The following PLXDC2 variants were observed in gnomAD, a reference collection of about 807,000 sequenced individuals.
PLXDC2 encodes the protein plexin domain-containing protein 2.
Under a neutral mutation model 68.9 loss-of-function variants are expected in PLXDC2, and 40 were observed. That is an observed-to-expected ratio of 0.58 (90% confidence interval 0.45 to 0.76). The LOEUF (loss-of-function observed/expected upper bound fraction) is 0.76, where lower values mean the gene tolerates loss of function less well. Ranked by LOEUF, PLXDC2 falls within the 30% of genes least tolerant of loss-of-function variation. The pLI, the probability that PLXDC2 is intolerant of heterozygous loss-of-function variation, is 0.00. For missense variants in PLXDC2, 644 were observed against 661.9 expected (o/e 0.97, Z 0.30); for synonymous variants, 243 against 234.2 (o/e 1.04, Z -0.34).
At chr10:20,161,790 G>A (rs2131811619) in intron 6 of PLXDC2, among the ~76,000 whole-genome samples, 1 of 152,148 alleles carries the variant, frequency 6.6e-6, no homozygotes, top group South Asian at 2.1e-4. Flanking sequence ...CCAGCAATTT[G>A]GGAGGCCGAG....
At chr10:19,957,125 CTG>C (rs1834083010) in intron 1 of PLXDC2, among the ~76,000 whole-genome samples, 1 of 152,050 alleles carries the variant, frequency 6.6e-6, no homozygotes, top group Non-Finnish European at 1.5e-5. Flanking sequence ...TATTTGAAAA[CTG>C]GGGCTTTTAG....
rs114845020 is a variant in PLXDC2, at chr10:20,130,180, T to C, written c.542-13115T>C. ...GATATCATTCCTTTTATTTGTGATT[T>C]CTTTAATTTTCTTTCACCAATGCTT... On this transcript the variant is annotated intron_variant, in intron 4 of 13. Coordinates refer to ENST00000377252, the MANE Select transcript of PLXDC2 (RefSeq NM_032812.9). Among the ~76,000 whole-genome samples the C allele has an allele frequency of 8.4e-3, 1,283 of 152,204 alleles. 25 individuals are homozygous for C. Among genetic ancestry groups the C allele is most frequent in the African/African-American group, 0.03 (1,238 of 41,548 alleles).
intron 7 of PLXDC2, among the ~76,000 whole-genome samples, chr10:20,169,343 G>T (rs969989578): frequency 6.6e-6 from 1 of 152,096 alleles, no homozygotes. Context: ...TGCAAATTTG[G>T]TAAGCACGAA....
intron 1 of PLXDC2, among the ~76,000 whole-genome samples, chr10:19,906,335 G>T (rs912154520): frequency 6.6e-6 from 1 of 152,170 alleles, no homozygotes; most frequent in Non-Finnish European, 1.5e-5. Flanking sequence ...CAGTACGCAG[G>T]GCCACGTGGG....
intron 12 of PLXDC2, among the ~76,000 whole-genome samples, chr10:20,238,811 C>T (rs1235467372): frequency 6.7e-6 from 1 of 149,496 alleles, no homozygotes; most frequent in African/African-American, 2.5e-5. Context: ...TAGCAGATTG[C>T]TTTGATAGAA....
chr10:20,201,115 T>C (rs1589677984), intron 9 of PLXDC2, among the ~76,000 whole-genome samples: 1 of 152,156 alleles, frequency 6.6e-6, no homozygotes, highest in East Asian at 1.9e-4. Flanking sequence ...AGCCAAGATA[T>C]GGAATTAACC....
intron 2 of PLXDC2, among the ~76,000 whole-genome samples, chr10:20,041,442 G>T (rs113983230): frequency 0.018 from 2,698 of 152,006 alleles, 77 homozygotes; most frequent in African/African-American, 0.061. Flanking sequence ...TCTTTCTAGA[G>T]GCCTATAAGA....
At chr10:19,938,607 A>G (rs11011691) in intron 1 of PLXDC2, among the ~76,000 whole-genome samples, 25,048 of 151,960 alleles carry the variant, frequency 0.16, 2,905 homozygotes, top group African/African-American at 0.32. Context: ...CTGTGATCCA[A>G]TCACCTCCCA....
intron 1 of PLXDC2, among the ~76,000 whole-genome samples, chr10:19,864,854 C>A (rs1315285160): frequency 6.6e-6 from 1 of 152,114 alleles, no homozygotes; most frequent in Non-Finnish European, 1.5e-5. Context: ...TGAGAGACAC[C>A]TACTGTAAGT....
intron 2 of PLXDC2, among the ~76,000 whole-genome samples, chr10:20,044,979 G>A (rs946823625): frequency 8.5e-5 from 13 of 152,218 alleles, no homozygotes; most frequent in South Asian, 8.3e-4. Flanking sequence ...CAAACTATCC[G>A]TGTCATTATG....
chr10:20,182,810 T>C (rs1834625205), intron 9 of PLXDC2, among the ~76,000 whole-genome samples: 1 of 151,986 alleles, frequency 6.6e-6, no homozygotes, highest in African/African-American at 2.4e-5. Context: ...AAGCCCTGCA[T>C]GCATTACATA....
intron 7 of PLXDC2, among the ~76,000 whole-genome samples, chr10:20,165,952 G>T (rs1338373123): frequency 6.6e-6 from 1 of 152,076 alleles, no homozygotes; most frequent in African/African-American, 2.4e-5. Flanking sequence ...AAGTTGGGGT[G>T]GGGGGTGTTT....
intron 1 of PLXDC2, among the ~76,000 whole-genome samples, chr10:19,863,945 C>A (rs1837366884): frequency 6.6e-6 from 1 of 152,090 alleles, no homozygotes; most frequent in Non-Finnish European, 1.5e-5. Flanking sequence ...ATACAACATA[C>A]TGTTTTCTTA....
intron 4 of PLXDC2, among the ~76,000 whole-genome samples, chr10:20,116,324 A>G (rs1426300428): frequency 6.6e-6 from 1 of 152,196 alleles, no homozygotes; most frequent in Non-Finnish European, 1.5e-5. Context: ...TCTTGGTTGC[A>G]CCAGTTAAAC....
intron 4 of PLXDC2, among the ~76,000 whole-genome samples, chr10:20,116,579 G>A (rs1409133491): frequency 6.6e-6 from 1 of 152,144 alleles, no homozygotes; most frequent in Non-Finnish European, 1.5e-5. Flanking sequence ...GTTGTTAAGG[G>A]AATGGAAAAA....
In PLXDC2 at chr10:20,068,231, C is replaced by T; in HGVS notation, c.533C>T (p.Ala178Val). Reference protein sequence around the residue: ...YGHFLREITVATGGFIYTGEV... With the variant: ...YGHFLREITVVTGGFIYTGEV... ...CACTTCCTACGTGAAATCACTGTGG[C>T]AACCGGGGGTAAGTGGTTTTCTACC... The change falls in exon 4 of 14, where the codon GCA becomes GTA. Residue 178 changes from alanine to valine, a missense_variant. Ala to Val is a moderately conservative substitution (Grantham distance 64, BLOSUM62 0). Around this residue, in one of 3 missense-constraint regions of PLXDC2, gnomAD observed 113 missense variants for 167.1 expected, o/e 0.68. Transcript: ENST00000377252. The T allele has an allele frequency of 6.2e-7, 1 of 1,611,782 alleles. No homozygotes were observed.
In PLXDC2 at chr10:20,068,389, A is replaced by G. The variant is rs151212901; in HGVS notation, c.541+150A>G. On this transcript the variant is annotated intron_variant, in intron 4 of 13. Coordinates refer to ENST00000377252, the MANE Select transcript of PLXDC2 (RefSeq NM_032812.9). The stretch of plus-strand genomic sequence containing the variant: ...CATAGGTATAAATAAAACCAAAGAA[A>G]GGGTATGGTTATTGGAAAAACTTCT... The G allele has an allele frequency of 3.3e-4, 239 of 718,068 alleles. No homozygotes were observed. The East Asian group carries it at 7.0e-3, about 21-fold the overall frequency. 44.5% of individuals were successfully genotyped at this position (718,068 alleles called of 1,614,324 possible).
chr10:20,126,190 C>T (rs1833773204), intron 4 of PLXDC2, among the ~76,000 whole-genome samples: 1 of 144,382 alleles, frequency 6.9e-6, no homozygotes. Context: ...TTATATAATA[C>T]ATATATGTAT....
chr10:20,097,633 A>G (rs185861686), intron 4 of PLXDC2, among the ~76,000 whole-genome samples: 10 of 152,228 alleles, frequency 6.6e-5, no homozygotes, highest in African/African-American at 2.4e-4. Flanking sequence ...AAAACCCGGT[A>G]AGATATCAAC....
Sources: gnomAD v4.1 joint callset for allele counts (sites outside exome capture counted in the v4.1 genomes callset) on GRCh38, gnomAD v4.1.1 for gene constraint, gnomAD v4.1.1 regional missense constraint, MANE v1.5 for transcripts, NCBI Gene and HGNC (gene_info 2026-07-23, HGNC 2026-07-21) for gene names.